Variants in ANAPC1 observed in about 807,000 individuals in gnomAD.
The protein encoded by ANAPC1 is anaphase promoting complex subunit 1, also known as anaphase-promoting complex subunit 1.
ANAPC1 carries 36 observed loss-of-function variants against 208.0 expected under a neutral mutation model. That is an observed-to-expected ratio of 0.17 (90% CI 0.13 to 0.23). The LOEUF is 0.23. ANAPC1 is among the 10% of genes least tolerant of loss of function. ANAPC1 has a pLI of 1.00. For synonymous variants in ANAPC1, 378 were observed against 695.2 expected (o/e 0.54, Z 7.18); for missense variants, 942 against 2,011.6 (o/e 0.47, Z 10.17).
In ANAPC1 at chr2:111,779,144, C is replaced by T. The variant is rs185549750; in HGVS notation, c.5290-374G>A. ...CTGTCCAGAACAAGTTTAGGGGAGG[C>T]GGCAGAGTCAAGTCCAGCTGGGGTT... On this transcript the variant is annotated intron_variant, in intron 44 of 47. Coordinates refer to ENST00000341068, the MANE Select transcript of ANAPC1 (RefSeq NM_022662.4). 1,004 of 187,828 alleles carry T rather than the reference C, an allele frequency of 5.3e-3. 3 individuals are homozygous for T. Among genetic ancestry groups the T allele is most frequent in the Non-Finnish European group, 8.8e-3 (796 of 90,370 alleles). The allele number at this position is 187,828 out of a possible 1,614,324, so 11.6% of individuals were successfully genotyped here. A position where few individuals can be genotyped will look rare whatever the true frequency, so the allele number is the denominator to read the frequency against.
intron 39 of ANAPC1, among the ~76,000 whole-genome samples, chr2:111,786,022 TCAAA>T (rs1480300805): frequency 3.3e-5 from 5 of 152,128 alleles, no homozygotes; most frequent in East Asian, 1.9e-4. Context: ...TTTGGGGTTC[TCAAA>T]CAGTTTTTTA....
At chr2:111,869,123 A>C (rs1291327420) in intron 6 of ANAPC1, among the ~76,000 whole-genome samples, 1 of 152,246 alleles carries the variant, frequency 6.6e-6, no homozygotes, top group Non-Finnish European at 1.5e-5. Flanking sequence ...TTAACTTTGC[A>C]TAAGTCCTAA....
intron 16 of ANAPC1, among the ~76,000 whole-genome samples, chr2:111,844,602 T>C (rs1439048263): frequency 6.8e-6 from 1 of 147,770 alleles, no homozygotes; most frequent in Non-Finnish European, 1.5e-5. Context: ...ATGAAAAACA[T>C]ACAACTTCTA....
Position 111,840,246 on chromosome 2 carries a change from T to C in ANAPC1, c.2041-1734A>G, listed in dbSNP as rs1239599101. Among the ~76,000 whole-genome samples, 5 of 152,130 alleles carry C rather than the reference T, an allele frequency of 3.3e-5. No individual in the cohort carries two copies. The East Asian group carries it at 7.7e-4, about 23-fold the overall frequency. ...TGTAACGAGTCATTGGCAGAAATTCTGTACTCCACCACATTACATATGTGA... is the reference window on the plus strand; with the variant it reads ...TGTAACGAGTCATTGGCAGAAATTCCGTACTCCACCACATTACATATGTGA... On this transcript the variant is annotated intron_variant, in intron 17 of 47. Coordinates refer to ENST00000341068, the MANE Select transcript of ANAPC1 (RefSeq NM_022662.4).
chr2:111,782,292 T>C, intron 43 of ANAPC1, 77 bp downstream of exon 43: 2 of 1,581,978 alleles, frequency 1.3e-6, no homozygotes, highest in South Asian at 2.3e-5. Flanking sequence ...GATCCACCTT[T>C]GAAGTTTATA....
intron 17 of ANAPC1, among the ~76,000 whole-genome samples, chr2:111,840,108 C>T (rs540015763): frequency 6.6e-5 from 10 of 152,258 alleles, no homozygotes; most frequent in African/African-American, 2.2e-4. Flanking sequence ...AACAGCAGCC[C>T]GGAAGCCACA....
rs1361454042 is a variant in ANAPC1 at position 111,768,381 on chromosome 2, T to C, written c.*910A>G. ...ATCTATTTAGAGCAGGCTTCACGTA[T>C]TAGTCTGCCTGGGCTGCCATAACAA... On this transcript the variant is annotated 3_prime_UTR_variant, in exon 48 of 48. Coordinates refer to ENST00000341068, the MANE Select transcript of ANAPC1 (RefSeq NM_022662.4). 3 of 152,006 alleles carry C rather than the reference T, an allele frequency of 2.0e-5. No homozygotes were observed. Among genetic ancestry groups the C allele is most frequent in the Non-Finnish European group, 4.4e-5 (3 of 68,046 alleles). The allele number at this position is 152,006 out of a possible 1,614,324, so 9.4% of individuals were successfully genotyped here.
chr2:111,792,092 A>T lies in ANAPC1; in HGVS notation c.4712+270T>A, dbSNP rs547402072. Among the ~76,000 whole-genome samples the T allele has an allele frequency of 1.4e-4, 21 of 152,244 alleles. No individual in the cohort carries two copies. The South Asian group carries it at 4.4e-3, about 32-fold the overall frequency. On this transcript the variant is annotated intron_variant, in intron 38 of 47. Transcript: ENST00000341068. The stretch of plus-strand genomic sequence containing the variant: ...TGGTAAAATTTTTAACCAGGTGGGC[A>T]CAAGCAGTGATGCACTGAAGAACCG...
rs1350476857 is a variant in ANAPC1, at chr2:111,884,072, C to T, written c.-155G>A. 1 of 152,332 alleles carries T rather than the reference C, an allele frequency of 6.6e-6. No individual in the cohort carries two copies. Among genetic ancestry groups the T allele is most frequent in the African/African-American group, 2.4e-5 (1 of 41,472 alleles). The allele number at this position is 152,332 out of a possible 1,614,324, so 9.4% of individuals were successfully genotyped here. ...TTGGGCCGCAGCAGCTTCTCATTCC[C>T]TCTCCCTCCCCTATTCTGGAGGAAG... On this transcript the variant is annotated 5_prime_UTR_variant, in exon 1 of 48. Coordinates refer to ENST00000341068, the MANE Select transcript of ANAPC1 (RefSeq NM_022662.4).
intron 34 of ANAPC1, among the ~76,000 whole-genome samples, chr2:111,797,410 T>G (rs1242002973): frequency 1.3e-5 from 2 of 151,770 alleles, no homozygotes; most frequent in Non-Finnish European, 2.9e-5. Context: ...TCCTACAATA[T>G]ACATTTCAAA....
At chr2:111,842,398 C>T (rs1680811539) in intron 17 of ANAPC1, among the ~76,000 whole-genome samples, 1 of 152,104 alleles carries the variant, frequency 6.6e-6, no homozygotes, top group African/African-American at 2.4e-5. Flanking sequence ...AATTCCAGCA[C>T]TTTGGGAGGC....
At chr2:111,775,154 T>C (rs1439005750) in intron 46 of ANAPC1, among the ~76,000 whole-genome samples, 1 of 152,160 alleles carries the variant, frequency 6.6e-6, no homozygotes, top group African/African-American at 2.4e-5. Flanking sequence ...TAATCCCAGC[T>C]ACTCAGGAGG....
intron 18 of ANAPC1, among the ~76,000 whole-genome samples, chr2:111,836,524 G>C (rs1398805438): frequency 6.7e-6 from 1 of 148,276 alleles, no homozygotes; most frequent in African/African-American, 2.6e-5. Context: ...GGAGCATACC[G>C]GTAGTCCTAG....
intron 37 of ANAPC1, among the ~76,000 whole-genome samples, chr2:111,793,354 T>C (rs1282432847): frequency 6.6e-6 from 1 of 150,584 alleles, no homozygotes; most frequent in Non-Finnish European, 1.5e-5. Context: ...GCCTCCCAAG[T>C]TGCTGGGACT....
intron 14 of ANAPC1, among the ~76,000 whole-genome samples, chr2:111,850,484 G>A (rs1252877938): frequency 3.3e-5 from 5 of 151,692 alleles, no homozygotes; most frequent in African/African-American, 1.2e-4. Context: ...ACATTACTGA[G>A]TCATGAGTCT....
chr2:111,875,077 T>A (rs1358448421), intron 3 of ANAPC1, among the ~76,000 whole-genome samples: 1 of 152,220 alleles, frequency 6.6e-6, no homozygotes, highest in Non-Finnish European at 1.5e-5. Flanking sequence ...TTTCTGGACA[T>A]CCTCACCAAC....
At chr2:111,882,881 C>G (rs901640886) in intron 1 of ANAPC1, among the ~76,000 whole-genome samples, 1 of 151,574 alleles carries the variant, frequency 6.6e-6, no homozygotes, top group Non-Finnish European at 1.5e-5. Context: ...ATAAAACTTA[C>G]AAGGGGCAGG....
chr2:111,816,917 C>T (rs1354130182), intron 27 of ANAPC1, among the ~76,000 whole-genome samples: 1 of 83,982 alleles, frequency 1.2e-5, no homozygotes, highest in Admixed American at 1.4e-4. Context: ...TCATAAGTTA[C>T]ACTTGTACTT....
chr2:111,813,741 C>A (rs1679106656), intron 28 of ANAPC1, among the ~76,000 whole-genome samples: 2 of 152,018 alleles, frequency 1.3e-5, no homozygotes, highest in South Asian at 4.2e-4. Flanking sequence ...TGTAATTAAC[C>A]AATTTACCCA....
Sources: allele counts gnomAD v4.1 joint callset (sites outside exome capture counted in the v4.1 genomes callset), GRCh38; gene constraint gnomAD v4.1.1; transcripts MANE v1.5; gene names NCBI Gene and HGNC (gene_info 2026-07-23, HGNC 2026-07-21).